VPS13B: variants seen among roughly 807,000 people sequenced by gnomAD.
VPS13B encodes the protein vacuolar protein sorting 13 homolog B.
Under a neutral mutation model 426.4 loss-of-function variants are expected in VPS13B, and 285 were observed. That is an observed-to-expected ratio of 0.67 (90% confidence interval 0.61 to 0.74). The LOEUF is 0.74. Ranked by LOEUF, VPS13B falls within the 30% of genes least tolerant of loss-of-function variation. The pLI is 0.00. For missense variants in VPS13B, 4,537 were observed against 4,782.6 expected (o/e 0.95, Z 1.51); for synonymous variants, 1,676 against 1,676.4 (o/e 1.00, Z 0.01).
rs549884083 is a variant in VPS13B at position 99,127,951 on chromosome 8, A to G, written c.1206+6506A>G. On this transcript the variant is annotated intron_variant, in intron 8 of 61. Coordinates refer to ENST00000357162, the MANE Select transcript of VPS13B (RefSeq NM_152564.5). ...TGTCTGCTTCAGTATTCAGTCTGTT[A>G]GGACATGTTTTAATTAATGTATATG... Among the ~76,000 whole-genome samples the G allele has an allele frequency of 1.4e-4, 21 of 152,282 alleles. No individual in the cohort carries two copies. In the South Asian group the frequency reaches 3.7e-3, roughly 27 times the overall value.
At chr8:99,195,080 C>T (rs1813836389) in intron 17 of VPS13B, among the ~76,000 whole-genome samples, 1 of 152,110 alleles carries the variant, frequency 6.6e-6, no homozygotes, top group Non-Finnish European at 1.5e-5. Context: ...CTCTTGACCT[C>T]ATGATCTGCC....
intron 19 of VPS13B, among the ~76,000 whole-genome samples, chr8:99,329,319 A>G (rs1156443010): frequency 6.6e-6 from 1 of 152,128 alleles, no homozygotes; most frequent in African/African-American, 2.4e-5. Context: ...AGTATATTAC[A>G]ATCAATGCTT....
At chr8:99,367,934 G>A (rs149917806) in intron 19 of VPS13B, among the ~76,000 whole-genome samples, 19 of 152,176 alleles carry the variant, frequency 1.2e-4, no homozygotes, top group Middle Eastern at 3.2e-3. Context: ...GATTACAGGC[G>A]TGAGCCACCG....
At chr8:99,815,858 G>A (rs1248464784) in intron 44 of VPS13B, among the ~76,000 whole-genome samples, 1 of 152,068 alleles carries the variant, frequency 6.6e-6, no homozygotes, top group Non-Finnish European at 1.5e-5. Context: ...TAGAAATAGG[G>A]TCTTGCTCTG....
intron 3 of VPS13B, among the ~76,000 whole-genome samples, chr8:99,073,130 T>C (rs1844929935): frequency 6.6e-6 from 1 of 152,160 alleles, no homozygotes; most frequent in Non-Finnish European, 1.5e-5. Context: ...CCTCTCCCTG[T>C]GGCCATCACA....
chr8:99,103,873 C>T (rs1374997084), intron 5 of VPS13B, among the ~76,000 whole-genome samples: 1 of 152,056 alleles, frequency 6.6e-6, no homozygotes, highest in Non-Finnish European at 1.5e-5. Flanking sequence ...TGAGCTCTAG[C>T]GATTTGCCTG....
At chr8:99,623,896 A>G (rs1311649310) in intron 33 of VPS13B, among the ~76,000 whole-genome samples, 2 of 151,874 alleles carry the variant, frequency 1.3e-5, no homozygotes, top group Non-Finnish European at 2.9e-5. Flanking sequence ...TTATCATCAT[A>G]AGAACATGCA....
intron 44 of VPS13B, among the ~76,000 whole-genome samples, chr8:99,817,215 A>G (rs1313390435): frequency 6.6e-6 from 1 of 151,472 alleles, no homozygotes; most frequent in Middle Eastern, 3.4e-3. Flanking sequence ...CAGGTAAACT[A>G]TCTTCTGCTT....
chr8:99,727,201 T>C (rs1025004520), intron 39 of VPS13B, among the ~76,000 whole-genome samples: 8 of 152,182 alleles, frequency 5.3e-5, no homozygotes, highest in African/African-American at 1.2e-4. Context: ...TTTTCACTTA[T>C]ATGTAAAAAA....
At chr8:99,030,812 AT>A (rs1411362631) in intron 2 of VPS13B, among the ~76,000 whole-genome samples, 10 of 152,296 alleles carry the variant, frequency 6.6e-5, no homozygotes, top group African/African-American at 2.4e-4. Context: ...TCATTCGCCA[AT>A]TCATAAATTT....
intron 33 of VPS13B, among the ~76,000 whole-genome samples, chr8:99,621,077 C>T (rs75663329): frequency 0.041 from 6,258 of 151,270 alleles, 138 homozygotes; most frequent in East Asian, 0.06. Context: ...CTTGCAGACT[C>T]CTTTAGTTAG....
In VPS13B at chr8:99,133,438, T is replaced by G. The variant is rs1477394234; in HGVS notation, c.1207-1194T>G. Among the ~76,000 whole-genome samples the G allele has an allele frequency of 2.6e-5, 4 of 152,338 alleles. No homozygotes were observed. The East Asian group carries it at 7.7e-4, about 29-fold the overall frequency. On this transcript the variant is annotated intron_variant, in intron 8 of 61. Coordinates refer to ENST00000357162, the MANE Select transcript of VPS13B (RefSeq NM_152564.5). The stretch of plus-strand genomic sequence containing the variant: ...CTCCATATCAACAGGCTGTTTTACT[T>G]CCTTATCACTTGTGTGTACAATTTT...
Position 99,580,354 on chromosome 8 carries a change from C to A in VPS13B, c.5220+2721C>A, listed in dbSNP as rs549299607. On this transcript the variant is annotated intron_variant, in intron 33 of 61. Transcript: ENST00000357162. ...TATATATATATATTTCTTTTCTTTT[C>A]TTTTCTTTTCTTTTGTTTAGTAGAG... Among the ~76,000 whole-genome samples the A allele has an allele frequency of 2.2e-3, 322 of 148,074 alleles. 1 individual carries two copies. Among genetic ancestry groups the A allele is most frequent in the African/African-American group, 7.7e-3 (310 of 40,518 alleles).
At chr8:99,587,662 GT>G (rs1217840670) in intron 33 of VPS13B, among the ~76,000 whole-genome samples, 1 of 151,538 alleles carries the variant, frequency 6.6e-6, no homozygotes, top group African/African-American at 2.4e-5. Flanking sequence ...ACTTTTTGAT[GT>G]GGTTGTTTGA....
At chr8:99,812,757 C>G (rs920889047) in intron 44 of VPS13B, among the ~76,000 whole-genome samples, 14 of 152,290 alleles carry the variant, frequency 9.2e-5, no homozygotes, top group Middle Eastern at 3.4e-3. Context: ...ATAATGGTGT[C>G]TTTATACACA....
At chr8:99,871,733 G>A in intron 61 of VPS13B, 36 bp downstream of exon 61, 1 of 1,611,788 alleles carries the variant, frequency 6.2e-7, no homozygotes, top group African/African-American at 1.3e-5. Context: ...AAGACTAGCT[G>A]GCCAGGGAGG....
At chr8:99,400,981 T>C (rs544678483) in intron 21 of VPS13B, among the ~76,000 whole-genome samples, 1 of 152,348 alleles carries the variant, frequency 6.6e-6, no homozygotes, top group African/African-American at 2.4e-5. Context: ...CTGTATGGTA[T>C]TACTTTTTAA....
At chr8:99,401,336 G>T (rs993868286) in intron 21 of VPS13B, among the ~76,000 whole-genome samples, 5 of 152,078 alleles carry the variant, frequency 3.3e-5, no homozygotes, top group Non-Finnish European at 7.4e-5. Flanking sequence ...TTTAAAGTGT[G>T]TATACAGGTT....
intron 33 of VPS13B, among the ~76,000 whole-genome samples, chr8:99,588,062 C>T (rs1826399545): frequency 6.6e-6 from 1 of 151,748 alleles, no homozygotes; most frequent in Admixed American, 6.6e-5. Context: ...TTCCCAGCAC[C>T]ATTTATTAAA....
Sources: gnomAD v4.1 joint callset for allele counts (sites outside exome capture counted in the v4.1 genomes callset) on GRCh38, gnomAD v4.1.1 for gene constraint, MANE v1.5 for transcripts, NCBI Gene and HGNC (gene_info 2026-07-23, HGNC 2026-07-21) for gene names.